The following SLC39A11 variants were observed in gnomAD, a reference collection of about 807,000 sequenced individuals.
SLC39A11 encodes zinc transporter ZIP11.
SLC39A11 carries 33 observed loss-of-function variants against 36.1 expected under a neutral mutation model. The observed-to-expected ratio is 0.91, with a 90% CI of 0.69 to 1.22. The LOEUF (loss-of-function observed/expected upper bound fraction) is 1.22. Among genes scored for constraint, SLC39A11 ranks in the 50% most tolerant of loss-of-function variants. The pLI is 0.00. For synonymous variants in SLC39A11, 166 were observed against 170.3 expected (o/e 0.97, Z 0.20); for missense variants, 432 against 430.3 (o/e 1.00, Z -0.03).
chr17:72,675,486 A>T (rs2071216569), intron 7 of SLC39A11, among the ~76,000 whole-genome samples: 1 of 152,230 alleles, frequency 6.6e-6, no homozygotes, highest in Non-Finnish European at 1.5e-5. Flanking sequence ...GGACTAAGAC[A>T]TGTAGCAACA....
At chr17:72,813,555 C>A (rs775520514) in intron 6 of SLC39A11, among the ~76,000 whole-genome samples, 8 of 152,284 alleles carry the variant, frequency 5.3e-5, no homozygotes, top group South Asian at 2.1e-4. Context: ...TAGTTCTATC[C>A]TCCTCTATAA....
At chr17:72,778,675 G>A (rs2076211698) in intron 6 of SLC39A11, among the ~76,000 whole-genome samples, 1 of 152,198 alleles carries the variant, frequency 6.6e-6, no homozygotes, top group South Asian at 2.1e-4. Flanking sequence ...CACGGTAGTG[G>A]CGTCTCTATG....
intron 3 of SLC39A11, among the ~76,000 whole-genome samples, chr17:73,079,958 T>C (rs1432461038): frequency 1.3e-5 from 2 of 152,128 alleles, no homozygotes; most frequent in Admixed American, 6.6e-5. Context: ...GAAAGACCTC[T>C]ACAAGGACTG....
At chr17:72,977,835 C>T (rs924182493) in intron 4 of SLC39A11, among the ~76,000 whole-genome samples, 2 of 152,164 alleles carry the variant, frequency 1.3e-5, no homozygotes, top group African/African-American at 4.8e-5. Flanking sequence ...CAGTAAAGTA[C>T]CGAGGTGGCC....
chr17:72,655,749 T>TGAGG (rs767700318), intron 7 of SLC39A11, among the ~76,000 whole-genome samples: 2 of 152,096 alleles, frequency 1.3e-5, no homozygotes, highest in Non-Finnish European at 2.9e-5. Context: ...CTGGAGCAAC[T>TGAGG]GAGGGCAGGA....
intron 7 of SLC39A11, among the ~76,000 whole-genome samples, chr17:72,698,459 CAAAA>C (rs61454778): frequency 0.16 from 15,077 of 93,062 alleles, 1,086 homozygotes; most frequent in African/African-American, 0.26. Flanking sequence ...TAATAAAAAC[CAAAA>C]AAAAAAAAAA....
At chr17:72,970,095 T>C (rs2087327312) in intron 4 of SLC39A11, among the ~76,000 whole-genome samples, 1 of 152,208 alleles carries the variant, frequency 6.6e-6, no homozygotes, top group African/African-American at 2.4e-5. Flanking sequence ...CCCCAAACCA[T>C]TTAGACTTTC....
chr17:73,081,610 G>GAT (rs36154651), intron 3 of SLC39A11, among the ~76,000 whole-genome samples: 38 of 133,468 alleles, frequency 2.8e-4, no homozygotes, highest in African/African-American at 8.9e-4. Context: ...AAGAAAATGT[G>GAT]ATATATATAT....
chr17:72,724,105 T>G (rs2073824405), intron 7 of SLC39A11, among the ~76,000 whole-genome samples: 1 of 150,142 alleles, frequency 6.7e-6, no homozygotes. Flanking sequence ...TCCCTTTTAT[T>G]TTTTTTTTTC....
In SLC39A11 at chr17:72,764,159, C is replaced by A. The variant is rs144228072; in HGVS notation, c.602-27440G>T. On this transcript the variant is annotated intron_variant, in intron 6 of 9. Coordinates refer to ENST00000255559, the MANE Select transcript of SLC39A11 (RefSeq NM_139177.4). The stretch of plus-strand genomic sequence containing the variant: ...CCTCTTTCATGCAACTCTTCCCAGC[C>A]TGTCTCTTCCCGGGCCTCACTCAGT... Among the ~76,000 whole-genome samples the A allele has an allele frequency of 1.4e-3, 219 of 152,262 alleles. 6 individuals carry two copies. In the East Asian group the frequency reaches 0.032, roughly 22 times the overall value.
intron 5 of SLC39A11, among the ~76,000 whole-genome samples, chr17:72,945,946 T>C (rs537351374): frequency 4.4e-4 from 67 of 152,160 alleles, no homozygotes; most frequent in Non-Finnish European, 6.3e-4. Flanking sequence ...GCCCTGAAGA[T>C]AGAAAAATCA....
chr17:72,922,960 C>CAAAAAAAAA (rs10645750), intron 5 of SLC39A11, among the ~76,000 whole-genome samples: 4 of 44,076 alleles, frequency 9.1e-5, no homozygotes, highest in Non-Finnish European at 2.3e-4. Context: ...GACTCCTTCT[C>CAAAAAAAAA]AAAAAAAAAA....
chr17:72,713,594 G>A lies in SLC39A11; in HGVS notation c.671+23056C>T, dbSNP rs575798358. Among the ~76,000 whole-genome samples, 8 of 152,158 alleles carry A rather than the reference G, an allele frequency of 5.3e-5. No homozygotes were observed. In the South Asian group the frequency reaches 8.3e-4, roughly 16 times the overall value. ...TCCTCCTCTGGATCCCAATCTCTCC[G>A]AAAGGTATTAATAGCCAACTAGCTG... On this transcript the variant is annotated intron_variant, in intron 7 of 9. Coordinates refer to ENST00000255559, the MANE Select transcript of SLC39A11 (RefSeq NM_139177.4).
At chr17:73,031,072 T>A (rs543184235) in intron 4 of SLC39A11, among the ~76,000 whole-genome samples, 23 of 152,082 alleles carry the variant, frequency 1.5e-4, no homozygotes, top group Non-Finnish European at 2.8e-4. Context: ...ATACAATCAG[T>A]AAATGGCAGG....
At position 72,834,633 on chromosome 17, in the gene SLC39A11, C is replaced by CAATAAAATAAAATAAAATAA. The variant is rs139007121; in HGVS notation, c.601+14981_601+15000dup. ...TGAGACTCCAACTCCATAAACAAAA[C>CAATAAAATAAAATAAAATAA]AATAAAATAAAATAAAATAAAATAA... On this transcript the variant is annotated intron_variant, in intron 6 of 9. Transcript: ENST00000255559. Among the ~76,000 whole-genome samples, 492 of 148,324 alleles carry CAATAAAATAAAATAAAATAA rather than the reference C, an allele frequency of 3.3e-3. 3 individuals are homozygous for CAATAAAATAAAATAAAATAA. The highest frequency in any genetic ancestry group is 0.01 in the African/African-American group (423 of 40,288).
intron 6 of SLC39A11, among the ~76,000 whole-genome samples, chr17:72,752,287 C>A (rs769001806): frequency 6.6e-6 from 1 of 152,174 alleles, no homozygotes; most frequent in African/African-American, 2.4e-5. Flanking sequence ...CTCTGTCACC[C>A]GGGCTGGAGA....
intron 4 of SLC39A11, among the ~76,000 whole-genome samples, chr17:72,975,024 C>A (rs548065173): frequency 3.5e-4 from 54 of 152,302 alleles, no homozygotes; most frequent in Admixed American, 3.3e-3. Flanking sequence ...TGGGTAAGTA[C>A]ACTCTATGAT....
chr17:72,996,326 A>G (rs185681662), intron 4 of SLC39A11, among the ~76,000 whole-genome samples: 1 of 152,186 alleles, frequency 6.6e-6, no homozygotes, highest in African/African-American at 2.4e-5. Context: ...TGGCCTTGTC[A>G]TGGGAATAGT....
intron 6 of SLC39A11, among the ~76,000 whole-genome samples, chr17:72,746,467 T>C (rs957862678): frequency 7.3e-6 from 1 of 136,220 alleles, no homozygotes; most frequent in Non-Finnish European, 1.6e-5. Flanking sequence ...AATTAAAAAA[T>C]TGGCCAGGTG....
Sources: gnomAD v4.1 joint callset for allele counts (sites outside exome capture counted in the v4.1 genomes callset) on GRCh38, gnomAD v4.1.1 for gene constraint, MANE v1.5 for transcripts, NCBI Gene and HGNC (gene_info 2026-07-23, HGNC 2026-07-21) for gene names.